The following MALRD1 variants were observed in gnomAD, a reference collection of about 807,000 sequenced individuals.
The protein encoded by MALRD1 is MAM and LDL-receptor class A domain-containing protein 1.
Under a neutral mutation model 242.1 loss-of-function variants are expected in MALRD1, and 247 were observed. The observed-to-expected ratio is 1.02, with a 90% CI of 0.92 to 1.13. The LOEUF (loss-of-function observed/expected upper bound fraction) is 1.13. MALRD1 is among the 50% of genes most tolerant of loss of function. MALRD1 has a pLI of 0.00. For synonymous variants in MALRD1, 995 were observed against 866.6 expected, an observed-to-expected ratio of 1.15 and a Z score of -2.60; for missense variants, 2,989 against 2,533.1, an observed-to-expected ratio of 1.18 and a Z score of -3.86.
In MALRD1 at chr10:19,531,190, C is replaced by G. The variant is rs1284724367; in HGVS notation, c.5321-4C>G. ...TGAAAAAAATTTTGTTAATCTATTT[C>G]AAGGTAGTGGTCAGCACTTCCTGTA... On this transcript the variant is annotated splice_polypyrimidine_tract_variant and splice_region_variant and intron_variant, in intron 31 of 39. Coordinates refer to ENST00000454679, the MANE Select transcript of MALRD1 (RefSeq NM_001142308.3). 6.5e-7 allele frequency: 1 copy of G among 1,541,354 alleles called. No individual in the cohort carries two copies. Among genetic ancestry groups the G allele is most frequent in the Middle Eastern group, 1.7e-4 (1 of 5,936 alleles).
At chr10:19,505,954 A>C (rs1833116945) in intron 31 of MALRD1, among the ~76,000 whole-genome samples, 1 of 152,192 alleles carries the variant, frequency 6.6e-6, no homozygotes, top group South Asian at 2.1e-4. Flanking sequence ...GGGACTTAAT[A>C]AAAGTACTAA....
chr10:19,712,127 A>G (rs1834152386), intron 38 of MALRD1, among the ~76,000 whole-genome samples: 1 of 152,140 alleles, frequency 6.6e-6, no homozygotes, highest in Non-Finnish European at 1.5e-5. Flanking sequence ...TTAGTCAAAG[A>G]AACTATAAAC....
intron 33 of MALRD1, among the ~76,000 whole-genome samples, chr10:19,584,387 C>T (rs1030998625): frequency 1.3e-5 from 2 of 152,182 alleles, no homozygotes; most frequent in East Asian, 3.9e-4. Context: ...CCTCTACACA[C>T]TGCTTTGAAT....
intron 13 of MALRD1, among the ~76,000 whole-genome samples, chr10:19,172,124 T>C (rs1835036579): frequency 7.0e-6 from 1 of 142,428 alleles, no homozygotes; most frequent in Admixed American, 7.0e-5. Context: ...TATATACATA[T>C]ATACACATAT....
intron 1 of MALRD1, among the ~76,000 whole-genome samples, chr10:19,050,818 A>C (rs922113665): frequency 6.6e-6 from 1 of 152,170 alleles, no homozygotes; most frequent in Non-Finnish European, 1.5e-5. Context: ...CTTCCATTAT[A>C]AATCTCTATG....
At chr10:19,520,699 T>G (rs1000762779) in intron 31 of MALRD1, among the ~76,000 whole-genome samples, 10 of 142,136 alleles carry the variant, frequency 7.0e-5, no homozygotes, top group African/African-American at 3.0e-4. Context: ...CCTTCCTGTT[T>G]CTTTTATTTT....
chr10:19,535,985 G>A (rs1324244496), intron 32 of MALRD1, among the ~76,000 whole-genome samples: 1 of 152,256 alleles, frequency 6.6e-6, no homozygotes, highest in East Asian at 1.9e-4. Flanking sequence ...AATAAAAATA[G>A]GAATGCATTC....
rs182898714 is a variant in MALRD1, at chr10:19,311,780, T to G, written c.3420-12169T>G. Among the ~76,000 whole-genome samples the G allele has an allele frequency of 2.9e-3, 443 of 151,538 alleles. 2 individuals are homozygous for G. The highest frequency in any genetic ancestry group is 9.9e-3 in the African/African-American group (412 of 41,428). ...GACCCTTTCACTATTCATGTTCAAA[T>G]CAAAGTTTCCTTTCAACAGTATTTA... On this transcript the variant is annotated intron_variant, in intron 21 of 39. Transcript: ENST00000454679.
At position 19,513,084 on chromosome 10, in the gene MALRD1, A is replaced by G. The variant is rs533240989; in HGVS notation, c.5320+14438A>G. Among the ~76,000 whole-genome samples, 55 of 152,262 alleles carry G rather than the reference A, an allele frequency of 3.6e-4. No individual in the cohort carries two copies. In the South Asian group the frequency reaches 0.011, roughly 31 times the overall value. On this transcript the variant is annotated intron_variant, in intron 31 of 39. Coordinates refer to ENST00000454679, the MANE Select transcript of MALRD1 (RefSeq NM_001142308.3). Reference sequence around the variant, plus strand: ...CTTACTGTGTTCACTTAAATTGCATATATGATATGGTTTGTATATTTGTCC... The same window carrying G: ...CTTACTGTGTTCACTTAAATTGCATGTATGATATGGTTTGTATATTTGTCC...
intron 32 of MALRD1, among the ~76,000 whole-genome samples, chr10:19,532,249 CT>C (rs959400961): frequency 1.3e-5 from 2 of 151,822 alleles, no homozygotes; most frequent in South Asian, 2.1e-4. Flanking sequence ...AATCTGATAT[CT>C]TTTTTTTGGT....
chr10:19,677,955 G>A (rs1465572451), intron 36 of MALRD1, among the ~76,000 whole-genome samples: 4 of 152,062 alleles, frequency 2.6e-5, no homozygotes, highest in African/African-American at 7.2e-5. Context: ...TTTTTGTCAG[G>A]TTTGTCAAAG....
In MALRD1 at chr10:19,543,579, C is replaced by T. The variant is rs193125395; in HGVS notation, c.5478+12228C>T. Among the ~76,000 whole-genome samples the T allele has an allele frequency of 3.3e-5, 5 of 151,876 alleles. No homozygotes were observed. The East Asian group carries it at 5.8e-4, about 18-fold the overall frequency. ...CTGAGCCACCATACTAGGCTTACTC[C>T]GCTTTTTGAGTTATGTAGTTATCTC... On this transcript the variant is annotated intron_variant, in intron 32 of 39. Coordinates refer to ENST00000454679, the MANE Select transcript of MALRD1 (RefSeq NM_001142308.3).
intron 38 of MALRD1, among the ~76,000 whole-genome samples, chr10:19,692,964 A>C (rs913540550): frequency 5.8e-4 from 88 of 151,372 alleles, no homozygotes; most frequent in African/African-American, 2.1e-3. Context: ...ACAGAACCAA[A>C]GACAAAAACC....
intron 36 of MALRD1, among the ~76,000 whole-genome samples, chr10:19,651,757 A>T: frequency 6.6e-6 from 1 of 151,910 alleles, no homozygotes; most frequent in African/African-American, 2.4e-5. Flanking sequence ...CTGTAGAAAG[A>T]ATGCCATGAG....
intron 14 of MALRD1, among the ~76,000 whole-genome samples, chr10:19,188,747 C>A (rs1835845660): frequency 6.6e-6 from 1 of 152,150 alleles, no homozygotes. Context: ...CACCAGCAAA[C>A]TGCCAACTGT....
chr10:19,319,501 T>A (rs1415258027), intron 21 of MALRD1, among the ~76,000 whole-genome samples: 2 of 152,194 alleles, frequency 1.3e-5, no homozygotes, highest in East Asian at 3.8e-4. Flanking sequence ...TTGTTCTTGT[T>A]CTAATTCCAC....
intron 38 of MALRD1, among the ~76,000 whole-genome samples, chr10:19,729,881 C>T (rs1214828733): frequency 1.1e-4 from 16 of 151,352 alleles, no homozygotes; most frequent in East Asian, 9.8e-4. Context: ...GGACTACAGG[C>T]GCCCGCCACC....
At chr10:19,151,602 TTC>T (rs1833946041) in intron 11 of MALRD1, among the ~76,000 whole-genome samples, 1 of 152,154 alleles carries the variant, frequency 6.6e-6, no homozygotes, top group African/African-American at 2.4e-5. Context: ...CTTGTCTTAT[TTC>T]TCTCTCAGAG....
chr10:19,096,756 C>G lies in MALRD1; in HGVS notation c.598-7223C>G, dbSNP rs185227723. On this transcript the variant is annotated intron_variant, in intron 4 of 39. Transcript: ENST00000454679. ...AGAATTATTTCATTGTCTGCCATTT[C>G]CTTTCCATGCTGGCTTCTAATAGCT... Among the ~76,000 whole-genome samples, 94 of 152,352 alleles carry G rather than the reference C, an allele frequency of 6.2e-4. 4 individuals are homozygous for G. In the East Asian group the frequency reaches 0.016, roughly 26 times the overall value.
Sources: gnomAD v4.1 joint callset for allele counts (sites outside exome capture counted in the v4.1 genomes callset) on GRCh38, gnomAD v4.1.1 for gene constraint, MANE v1.5 for transcripts, NCBI Gene and HGNC (gene_info 2026-07-23, HGNC 2026-07-21) for gene names.